Variants in RAP1GDS1 observed in about 807,000 individuals in gnomAD.
The protein encoded by RAP1GDS1 is RAP1, GTP-GDP dissociation stimulator 1.
A neutral mutation model predicts 71.1 loss-of-function variants in RAP1GDS1; 35 were observed. The observed-to-expected ratio is 0.49, with a 90% CI of 0.38 to 0.65. The LOEUF (loss-of-function observed/expected upper bound fraction) is 0.65, where lower values mean the gene tolerates loss of function less well. RAP1GDS1 is among the 30% of genes least tolerant of loss of function. The pLI, the probability that RAP1GDS1 is intolerant of heterozygous loss-of-function variation, is 0.00. For synonymous variants in RAP1GDS1, 229 were observed against 243.1 expected, an observed-to-expected ratio of 0.94 and a Z score of 0.54; for missense variants, 663 against 706.1, an observed-to-expected ratio of 0.94 and a Z score of 0.69.
intron 7 of RAP1GDS1, among the ~76,000 whole-genome samples, chr4:98,405,169 C>G (rs1745946500): frequency 6.6e-6 from 1 of 152,086 alleles, no homozygotes; most frequent in African/African-American, 2.4e-5. Context: ...TTATTAGACA[C>G]TGATTCAAAA....
At chr4:98,364,410 G>A (rs34271573) in intron 4 of RAP1GDS1, among the ~76,000 whole-genome samples, 26,369 of 151,986 alleles carry the variant, frequency 0.17, 2,446 homozygotes, top group South Asian at 0.3. Flanking sequence ...AGCTAAATTG[G>A]TGATAGTGTT....
At chr4:98,350,713 C>T (rs968945135) in intron 3 of RAP1GDS1, among the ~76,000 whole-genome samples, 19 of 152,270 alleles carry the variant, frequency 1.2e-4, no homozygotes, top group Middle Eastern at 3.4e-3. Context: ...TGGCACTTGC[C>T]TGTAGTCCCA....
At chr4:98,307,088 A>C (rs903882587) in intron 2 of RAP1GDS1, among the ~76,000 whole-genome samples, 1 of 152,026 alleles carries the variant, frequency 6.6e-6, no homozygotes, top group South Asian at 2.1e-4. Flanking sequence ...TGTATTTAAA[A>C]ATTTATTTTA....
At chr4:98,433,102 CAG>C (rs1750673666) in intron 12 of RAP1GDS1, among the ~76,000 whole-genome samples, 1 of 152,050 alleles carries the variant, frequency 6.6e-6, no homozygotes, top group Non-Finnish European at 1.5e-5. Flanking sequence ...GGAGAGAAGA[CAG>C]AGCTCTAAGC....
chr4:98,419,522 A>T (rs1340229395), intron 10 of RAP1GDS1, among the ~76,000 whole-genome samples: 1 of 152,240 alleles, frequency 6.6e-6, no homozygotes, highest in Admixed American at 6.5e-5. Flanking sequence ...ACAACAAAAG[A>T]TAGTTAAAAC....
rs759716178 is a variant in RAP1GDS1, at chr4:98,434,071, C to G, written c.1567+9C>G. On this transcript the variant is annotated intron_variant, in intron 13 of 14. Coordinates refer to ENST00000408927, the MANE Select transcript of RAP1GDS1 (RefSeq NM_001100427.2). The stretch of plus-strand genomic sequence containing the variant: ...AGCAGCTTTAGAATTGGGTAAGTAC[C>G]CCAGTGACAAACTTATTTTCTTCTA... 1 of 1,610,440 alleles carries G rather than the reference C, an allele frequency of 6.2e-7. No individual in the cohort carries two copies. Among genetic ancestry groups the G allele is most frequent in the Non-Finnish European group, 8.5e-7 (1 of 1,177,338 alleles).
chr4:98,323,540 C>A (rs920753695), intron 2 of RAP1GDS1, among the ~76,000 whole-genome samples: 131 of 143,164 alleles, frequency 9.2e-4, no homozygotes, highest in African/African-American at 3.3e-3. Flanking sequence ...ACTGGCAAAC[C>A]GAATCCAGTA....
chr4:98,441,594 C>T (rs1230196226), intron 14 of RAP1GDS1: 19 of 984,822 alleles, frequency 1.9e-5, no homozygotes, highest in African/African-American at 7.0e-5. Context: ...CTTGACGTCT[C>T]GTTTTTCTTT....
intron 4 of RAP1GDS1, among the ~76,000 whole-genome samples, chr4:98,375,584 T>G (rs1032026069): frequency 3.3e-5 from 5 of 152,182 alleles, no homozygotes; most frequent in African/African-American, 1.2e-4. Context: ...TTAGAAAGAT[T>G]TTTGATACTT....
chr4:98,402,793 G>A (rs1033899201), intron 6 of RAP1GDS1, among the ~76,000 whole-genome samples: 1 of 152,150 alleles, frequency 6.6e-6, no homozygotes, highest in Non-Finnish European at 1.5e-5. Context: ...TTGGACACCT[G>A]CTTTATACCA....
chr4:98,329,042 A>G (rs568061892), intron 2 of RAP1GDS1, among the ~76,000 whole-genome samples: 2 of 152,248 alleles, frequency 1.3e-5, no homozygotes, highest in African/African-American at 2.4e-5. Flanking sequence ...GAAACCAAGC[A>G]TCGTATGCAC....
intron 2 of RAP1GDS1, among the ~76,000 whole-genome samples, chr4:98,310,487 A>G (rs567515829): frequency 6.6e-5 from 10 of 152,280 alleles, no homozygotes; most frequent in Non-Finnish European, 1.3e-4. Context: ...GACAAAAGGA[A>G]ATGATCTGAT....
intron 14 of RAP1GDS1, 54 bp downstream of exon 14, chr4:98,437,122 T>C (rs1199946914): frequency 2.7e-6 from 4 of 1,462,990 alleles, no homozygotes; most frequent in Non-Finnish European, 2.7e-6. Flanking sequence ...ACATTAAATA[T>C]TAAATATAGA....
intron 2 of RAP1GDS1, chr4:98,296,998 G>C (rs1163685126): frequency 4.6e-6 from 1 of 218,920 alleles, no homozygotes; most frequent in African/African-American, 2.4e-5. Context: ...GAAGTAAGCT[G>C]TCTTCCCCTG....
intron 14 of RAP1GDS1, 128 bp from the exon 15 acceptor site, chr4:98,441,860 CTA>C: frequency 3.0e-6 from 3 of 1,014,188 alleles, no homozygotes; most frequent in South Asian, 4.3e-5. Flanking sequence ...TAGGCTACTG[CTA>C]TGTCTTTTTC....
At chr4:98,316,488 T>C (rs1300939033) in intron 2 of RAP1GDS1, among the ~76,000 whole-genome samples, 1 of 152,100 alleles carries the variant, frequency 6.6e-6, no homozygotes, top group African/African-American at 2.4e-5. Context: ...GGCCAAGTTA[T>C]TAACCACTGT....
At chr4:98,299,345 G>A (rs888939727) in intron 2 of RAP1GDS1, among the ~76,000 whole-genome samples, 2 of 152,118 alleles carry the variant, frequency 1.3e-5, no homozygotes, top group Non-Finnish European at 2.9e-5. Flanking sequence ...CTTTGCTATT[G>A]TGAACAGTGC....
intron 6 of RAP1GDS1, 49 bp downstream of exon 6, chr4:98,392,129 T>G (rs1743792553): frequency 2.7e-6 from 4 of 1,505,758 alleles, no homozygotes; most frequent in Non-Finnish European, 3.6e-6. Context: ...TTAATGTGCT[T>G]ACAATAAATT....
chr4:98,346,950 C>G (rs1736393298), intron 3 of RAP1GDS1, among the ~76,000 whole-genome samples: 1 of 152,140 alleles, frequency 6.6e-6, no homozygotes, highest in Non-Finnish European at 1.5e-5. Context: ...ATTCATGCCT[C>G]ATAGTTTTCC....
Sources: allele counts gnomAD v4.1 joint callset (sites outside exome capture counted in the v4.1 genomes callset), GRCh38; gene constraint gnomAD v4.1.1; transcripts MANE v1.5; gene names NCBI Gene and HGNC (gene_info 2026-07-23, HGNC 2026-07-21).